NEK6: variants seen among roughly 807,000 people sequenced by gnomAD.
NEK6 encodes serine/threonine-protein kinase Nek6.
In NEK6, 27 loss-of-function variants were observed where a neutral mutation model predicts 43.5. The ratio of observed to expected loss-of-function variants is 0.62; its 90% confidence interval spans 0.46 to 0.86. The LOEUF is 0.86. Ranked by LOEUF, NEK6 falls within the 40% of genes least tolerant of loss-of-function variation. The pLI, the probability that NEK6 is intolerant of heterozygous loss-of-function variation, is 0.00. For missense variants in NEK6, 318 were observed against 414.4 expected (o/e 0.77, Z 2.02); for synonymous variants, 167 against 164.1 (o/e 1.02, Z -0.14).
intron 4 of NEK6, among the ~76,000 whole-genome samples, chr9:124,314,508 T>A (rs1833719196): frequency 6.6e-6 from 1 of 151,582 alleles, no homozygotes; most frequent in Non-Finnish European, 1.5e-5. Flanking sequence ...GTTTTTTTTT[T>A]ATTTTAGAGG....
chr9:124,327,993 T>A (rs1219490172), intron 7 of NEK6, among the ~76,000 whole-genome samples: 1 of 152,112 alleles, frequency 6.6e-6, no homozygotes, highest in Admixed American at 6.5e-5. Flanking sequence ...CGGCTGAGCT[T>A]GGCTTTGCCA....
At chr9:124,297,967 GCCCTAAAATCCAATA>G (rs1388855965) in intron 1 of NEK6, among the ~76,000 whole-genome samples, 1 of 152,176 alleles carries the variant, frequency 6.6e-6, no homozygotes, top group African/African-American at 2.4e-5. Context: ...AGAACAAAAT[GCCCTAAAATCCAATA>G]CCCATGGAGA....
intron 8 of NEK6, among the ~76,000 whole-genome samples, chr9:124,346,671 G>A (rs1447933257): frequency 6.6e-6 from 1 of 152,166 alleles, no homozygotes; most frequent in Non-Finnish European, 1.5e-5. Flanking sequence ...GGGGCCAGCA[G>A]GTGCCACGCT....
chr9:124,323,008 G>A (rs147964668), intron 5 of NEK6, among the ~76,000 whole-genome samples: 1,751 of 150,726 alleles, frequency 0.012, 17 homozygotes, highest in Middle Eastern at 0.041. Flanking sequence ...CCTCTCCCCC[G>A]CCCCCGCTTT....
intron 9 of NEK6, among the ~76,000 whole-genome samples, chr9:124,348,918 G>A (rs745533148): frequency 3.9e-5 from 6 of 152,262 alleles, no homozygotes; most frequent in Non-Finnish European, 8.8e-5. Flanking sequence ...GGCAGGATCT[G>A]AACCCACATG....
At chr9:124,279,195 C>T (rs1413749140) in intron 1 of NEK6, among the ~76,000 whole-genome samples, 1 of 151,818 alleles carries the variant, frequency 6.6e-6, no homozygotes, top group East Asian at 1.9e-4. Flanking sequence ...TTTATGGGGG[C>T]AAACAGGGCA....
intron 1 of NEK6, among the ~76,000 whole-genome samples, chr9:124,297,499 A>G (rs958874344): frequency 1.3e-5 from 2 of 152,080 alleles, no homozygotes; most frequent in East Asian, 3.9e-4. Flanking sequence ...GCTTCTCCCA[A>G]TCTGGTCCCT....
intron 1 of NEK6, among the ~76,000 whole-genome samples, chr9:124,290,130 G>A (rs1364317382): frequency 3.9e-5 from 6 of 152,228 alleles, no homozygotes; most frequent in East Asian, 1.9e-4. Flanking sequence ...CAAAGAAGAC[G>A]CCGCCACCTG....
At chr9:124,264,814 C>CAAAAA (rs372219790) in intron 1 of NEK6, among the ~76,000 whole-genome samples, 1 of 88,678 alleles carries the variant, frequency 1.1e-5, no homozygotes, top group East Asian at 3.7e-4. Flanking sequence ...GACTCTGTAT[C>CAAAAA]AAAAAAAAAA....
At position 124,311,407 on chromosome 9, in the gene NEK6, C is replaced by T. The variant is rs530370162; in HGVS notation, c.91-1102C>T. ...GGAGACACAGCCGGGCCCATCTCAC[C>T]ATAGGGCAGGCCAGAGATGTGGCAT... On this transcript the variant is annotated intron_variant, in intron 2 of 9. Coordinates refer to ENST00000320246, the MANE Select transcript of NEK6 (RefSeq NM_014397.6). Among the ~76,000 whole-genome samples, 77 of 152,300 alleles carry T rather than the reference C, an allele frequency of 5.1e-4. 1 individual carries two copies. The highest frequency in any genetic ancestry group is 2.7e-3 in the Admixed American group (41 of 15,300).
chr9:124,265,186 G>A (rs1831182363), intron 1 of NEK6, among the ~76,000 whole-genome samples: 1 of 152,156 alleles, frequency 6.6e-6, no homozygotes, highest in Non-Finnish European at 1.5e-5. Flanking sequence ...CCCATCCAGC[G>A]GTTTGCTTTA....
chr9:124,292,508 A>G (rs1832469662), intron 1 of NEK6: 2 of 1,536,962 alleles, frequency 1.3e-6, no homozygotes, highest in East Asian at 2.4e-5. Context: ...AGGCCACTGG[A>G]TGGGATTCTA....
intron 1 of NEK6, among the ~76,000 whole-genome samples, chr9:124,290,564 T>C (rs1432195779): frequency 3.3e-5 from 5 of 152,242 alleles, no homozygotes; most frequent in Non-Finnish European, 5.9e-5. Flanking sequence ...CAGGGGTGGT[T>C]TGCCCAGGGC....
At chr9:124,304,108 C>T (rs556795188) in intron 2 of NEK6, among the ~76,000 whole-genome samples, 1 of 152,380 alleles carries the variant, frequency 6.6e-6, no homozygotes, top group African/African-American at 2.4e-5. Flanking sequence ...GTCCCACCAG[C>T]ATCTGGCTGG....
chr9:124,284,114 T>G (rs1438707809), intron 1 of NEK6, among the ~76,000 whole-genome samples: 2 of 152,210 alleles, frequency 1.3e-5, no homozygotes, highest in African/African-American at 4.8e-5. Context: ...TTTGGGAGGC[T>G]GAGGCGGGAG....
chr9:124,272,555 A>G (rs1831488623), intron 1 of NEK6, among the ~76,000 whole-genome samples: 1 of 152,130 alleles, frequency 6.6e-6, no homozygotes, highest in Non-Finnish European at 1.5e-5. Flanking sequence ...AGGTCCCAGC[A>G]CTCCCAGCGT....
At chr9:124,344,647 C>T (rs1033587517) in intron 8 of NEK6, among the ~76,000 whole-genome samples, 13 of 152,254 alleles carry the variant, frequency 8.5e-5, no homozygotes, top group African/African-American at 2.2e-4. Flanking sequence ...AGGTGCCCAG[C>T]GGGCTGCCCG....
chr9:124,308,521 GC>G (rs2130836993), intron 2 of NEK6, among the ~76,000 whole-genome samples: 1 of 152,274 alleles, frequency 6.6e-6, no homozygotes, highest in Non-Finnish European at 1.5e-5. Context: ...CAGTGTGGTG[GC>G]GGGCACCTGC....
intron 2 of NEK6, among the ~76,000 whole-genome samples, chr9:124,311,766 T>C (rs1421690991): frequency 6.6e-6 from 1 of 152,232 alleles, no homozygotes; most frequent in East Asian, 1.9e-4. Context: ...CTCTGCTCAC[T>C]GCAACCTCTG....
Sources: gnomAD v4.1 joint callset for allele counts (sites outside exome capture counted in the v4.1 genomes callset) on GRCh38, gnomAD v4.1.1 for gene constraint, MANE v1.5 for transcripts, NCBI Gene and HGNC (gene_info 2026-07-23, HGNC 2026-07-21) for gene names.